The following MACF1 variants were observed in gnomAD, a reference collection of about 807,000 sequenced individuals.
The protein encoded by MACF1 is microtubule-actin cross-linking factor 1.
In MACF1, 193 loss-of-function variants were observed where a neutral mutation model predicts 854.8. The ratio of observed to expected loss-of-function variants is 0.23; its 90% CI spans 0.20 to 0.25. MACF1 has a LOEUF of 0.25. Ranked by LOEUF, MACF1 falls within the 10% of genes least tolerant of loss-of-function variation. The probability of loss-of-function intolerance (pLI) is 1.00; values close to 1 mark genes in which losing one functional copy is unlikely to be tolerated. For synonymous variants in MACF1, 3,185 were observed against 3,226.7 expected (o/e 0.99, Z 0.44); for missense variants, 7,722 against 8,929.1 (o/e 0.86, Z 5.45).
intron 92 of MACF1, among the ~76,000 whole-genome samples, chr1:39,461,579 A>T (rs1197092488): frequency 6.6e-6 from 1 of 152,078 alleles, no homozygotes; most frequent in Non-Finnish European, 1.5e-5. Flanking sequence ...ACTTGAGGCC[A>T]GGAGTTCAAG....
chr1:39,310,321 A>G lies in MACF1; in HGVS notation c.2993A>G (p.Asp998Gly), dbSNP rs752679076. ...GCCCACTATGAAGACTTTCTGCAGG[A>G]TAGTCGTGACTCTGTGCTGTTCTCA... ...LQAHYEDFLQ[D>G]SRDSVLFSVA... Residue 998 changes from aspartate to glycine, a missense_variant, in exon 25 of 101, where the codon GAT becomes GGT. This residue lies in a region of MACF1 where 1,137 missense variants were observed against 1,263.0 expected (regional missense o/e 0.90). Coordinates refer to ENST00000564288, the MANE Select transcript of MACF1 (RefSeq NM_001394062.1). 1.2e-5 allele frequency: 20 copies of G among 1,614,110 alleles called. No homozygotes were observed. In the South Asian group the frequency reaches 2.0e-4, roughly 16 times the overall value.
Position 39,479,894 on chromosome 1 carries a change from C to T in MACF1, c.22055C>T (p.Ser7352Phe). Residue 7352 changes from serine to phenylalanine, a missense_variant, in exon 98 of 101, where the codon TCC becomes TTC. This residue lies in a region of MACF1 where 153 missense variants were observed against 342.5 expected (regional missense o/e 0.45). Transcript: ENST00000564288. ...MTPFRSRGRR[S>F]KPSSRAASPT... ...CCCTTCCGCTCACGGGGTCGAAGGT[C>T]CAAACCATCTTCCCGGGCAGCTTCC... 2 of 1,614,236 alleles carry T rather than the reference C, an allele frequency of 1.2e-6. No individual in the cohort carries two copies. The highest frequency in any genetic ancestry group is 1.7e-6 in the Non-Finnish European group (2 of 1,180,040).
chr1:39,458,098 G>A (rs907862577), intron 89 of MACF1: 6 of 318,486 alleles, frequency 1.9e-5, no homozygotes, highest in South Asian at 6.7e-5. Flanking sequence ...CCATGGGGAG[G>A]GCACCAAGGC....
rs149591455 is a variant in MACF1, at chr1:39,180,955, C to T, written c.221-50227C>T. Among the ~76,000 whole-genome samples the T allele has an allele frequency of 7.0e-3, 1,063 of 152,220 alleles. 3 individuals are homozygous for T. Among genetic ancestry groups the T allele is most frequent in the Non-Finnish European group, 0.011 (734 of 68,006 alleles). Reference sequence around the variant, plus strand: ...AGGGTCTGGCTCTGTTGCCCAGGCTCGACTACAGTAGCCCATCTCTGTTCA... The same window carrying T: ...AGGGTCTGGCTCTGTTGCCCAGGCTTGACTACAGTAGCCCATCTCTGTTCA... On this transcript the variant is annotated intron_variant, in intron 2 of 93. Coordinates refer to the MACF1 transcript ENST00000361689.
intron 6 of MACF1, among the ~76,000 whole-genome samples, chr1:39,280,495 C>G (rs906267279): frequency 1.3e-5 from 2 of 152,084 alleles, no homozygotes; most frequent in African/African-American, 4.8e-5. Flanking sequence ...TGCCAGCCCC[C>G]CTCAGGAAAC....
rs766112841 is a variant in MACF1, at chr1:39,412,057, C to T, written c.15817-10317C>T. 3.1e-6 allele frequency: 5 copies of T among 1,613,876 alleles called. No individual in the cohort carries two copies. In the Admixed American group the frequency reaches 8.3e-5, roughly 27 times the overall value. ...AGCTGATCTGGATTCACTGGAAAAG[C>T]TGGACCCAGGAGGACTGCTGAACTC... is the stretch of plus-strand genomic sequence containing the variant. On this transcript the variant is annotated intron_variant, in intron 58 of 100. Transcript: ENST00000564288.
chr1:39,110,949 T>G (rs67637163), intron 2 of MACF1, among the ~76,000 whole-genome samples: 24,393 of 152,200 alleles, frequency 0.16, 2,450 homozygotes, highest in Middle Eastern at 0.24. Context: ...AATTATAGAT[T>G]GTAAGGAGTC....
chr1:39,429,482 T>C (rs896914084), intron 64 of MACF1, among the ~76,000 whole-genome samples, 156 bp downstream of exon 64: 3 of 152,190 alleles, frequency 2.0e-5, no homozygotes, highest in Admixed American at 2.0e-4. Context: ...GAAGGTTGTT[T>C]CCTGCTAAAT....
chr1:39,361,724 C>T, intron 49 of MACF1, 47 bp downstream of exon 49: 1 of 1,582,978 alleles, frequency 6.3e-7, no homozygotes, highest in Non-Finnish European at 8.7e-7. Context: ...AAGAGAAGGG[C>T]AGGGAGAGAA....
At chr1:39,238,013 C>T (rs1021124305) in intron 2 of MACF1, among the ~76,000 whole-genome samples, 9 of 152,120 alleles carry the variant, frequency 5.9e-5, no homozygotes, top group South Asian at 4.1e-4. Flanking sequence ...AAAACCATTA[C>T]GACAGCATTT....
intron 2 of MACF1, among the ~76,000 whole-genome samples, chr1:39,185,289 C>T (rs1644152522): frequency 1.5e-5 from 1 of 68,812 alleles, no homozygotes; most frequent in Admixed American, 1.5e-4. Context: ...GAGACTCCGT[C>T]TCAAAAAAAA....
chr1:39,459,782 A>G (rs1163663088), intron 91 of MACF1: 13 of 1,291,414 alleles, frequency 1.0e-5, no homozygotes, highest in Non-Finnish European at 1.3e-5. Context: ...CAAGCCTCTA[A>G]TATCTTTTGT....
chr1:39,089,969 G>T (rs970462156), intron 2 of MACF1, among the ~76,000 whole-genome samples: 2 of 152,216 alleles, frequency 1.3e-5, no homozygotes, highest in Non-Finnish European at 2.9e-5. Flanking sequence ...GCAGCCAGAT[G>T]AGGCAGTGGA....
At chr1:39,477,964 T>C (rs1227812918) in intron 97 of MACF1, among the ~76,000 whole-genome samples, 1 of 151,958 alleles carries the variant, frequency 6.6e-6, no homozygotes, top group African/African-American at 2.4e-5. Flanking sequence ...TATATCTTTT[T>C]TTTTTTTTTC....
intron 2 of MACF1, among the ~76,000 whole-genome samples, chr1:39,233,776 T>TG (rs1491483774): frequency 2.5e-5 from 1 of 39,746 alleles, no homozygotes; most frequent in Non-Finnish European, 4.9e-5. Context: ...TAGCCATAGC[T>TG]TTTTTTTTTT....
chr1:39,402,838 T>A (rs1642529916), intron 58 of MACF1, among the ~76,000 whole-genome samples: 1 of 152,166 alleles, frequency 6.6e-6, no homozygotes, highest in African/African-American at 2.4e-5. Flanking sequence ...AAAGTTAATT[T>A]ACTTTCTGGA....
At chr1:39,298,263 T>C (rs759217011) in intron 21 of MACF1, among the ~76,000 whole-genome samples, 3 of 152,334 alleles carry the variant, frequency 2.0e-5, no homozygotes, top group Non-Finnish European at 4.4e-5. Flanking sequence ...TATTTAGATG[T>C]AATATTTGTG....
intron 57 of MACF1, among the ~76,000 whole-genome samples, chr1:39,386,427 A>AT (rs541010845): frequency 8.4e-5 from 11 of 130,506 alleles, no homozygotes; most frequent in East Asian, 2.3e-4. Flanking sequence ...TGCCCAGCTG[A>AT]TTTTTTTTTC....
intron 33 of MACF1, 21 bp from the exon 34 acceptor site, chr1:39,324,172 A>T (rs1194443573): frequency 4.5e-5 from 71 of 1,576,840 alleles, no homozygotes; most frequent in Non-Finnish European, 6.0e-5. Flanking sequence ...TAGCATATTG[A>T]TTTTCTATTT....
Sources: gnomAD v4.1 joint callset for allele counts (sites outside exome capture counted in the v4.1 genomes callset) on GRCh38, gnomAD v4.1.1 for gene constraint, gnomAD v4.1.1 regional missense constraint, MANE v1.5 for transcripts, NCBI Gene and HGNC (gene_info 2026-07-23, HGNC 2026-07-21) for gene names.